Variants in SEMA4D observed in about 807,000 individuals in gnomAD.
SEMA4D encodes semaphorin-4D.
A neutral mutation model predicts 74.8 loss-of-function variants in SEMA4D; 22 were observed. The ratio of observed to expected loss-of-function variants is 0.29; its 90% confidence interval spans 0.21 to 0.42. SEMA4D has a LOEUF of 0.42. Among genes scored for constraint, SEMA4D ranks in the 10% least tolerant of loss-of-function variants. The pLI, the probability that SEMA4D is intolerant of heterozygous loss-of-function variation, is 1.00. For synonymous variants in SEMA4D, 445 were observed against 463.7 expected (o/e 0.96, Z 0.52); for missense variants, 937 against 1,118.4 (o/e 0.84, Z 2.31).
At chr9:89,363,281 T>G (rs1833027321) in intron 18 of SEMA4D, 1 of 1,160,450 alleles carries the variant, frequency 8.6e-7, no homozygotes, top group Non-Finnish European at 1.2e-6. Flanking sequence ...CCCCCAGTGT[T>G]GCAGATTTCA....
chr9:89,381,639 T>C lies in SEMA4D; in HGVS notation c.1447-293A>G. The C allele has an allele frequency of 3.4e-6, 1 of 290,922 alleles. No homozygotes were observed. The highest frequency in any genetic ancestry group is 6.4e-6 in the Non-Finnish European group (1 of 155,404). 18.0% of individuals were successfully genotyped at this position (290,922 alleles called of 1,614,324 possible). A position where few individuals can be genotyped will look rare whatever the true frequency, so the allele number is the denominator to read the frequency against. ...CAAAGCGCTTCTCTGCACGTGTTTC[T>C]CTTAGCCAGTGGGGAGGCTGTTCAG... On this transcript the variant is annotated intron_variant, in intron 13 of 15. Transcript: ENST00000422704. This position sits in a 1 kb window ranked among gnomAD's most constrained non-coding sequence, Gnocchi z 4.6.
chr9:89,424,233 T>C lies in SEMA4D; in HGVS notation c.-243-18534A>G, dbSNP rs796299022. Among the ~76,000 whole-genome samples the C allele has an allele frequency of 5.3e-5, 8 of 152,288 alleles. 1 individual carries two copies. The highest frequency in any genetic ancestry group is 1.7e-4 in the African/African-American group (7 of 41,552). On this transcript the variant is annotated intron_variant, in intron 2 of 15. Transcript: ENST00000422704. ...CTGCACAAATGAGGACTGTAAGGCA[T>C]GGACGTTAAACACAATGTTACAAAC... is the stretch of plus-strand genomic sequence containing the variant.
rs995069588 is a variant in SEMA4D at position 89,379,227 on chromosome 9, G to A, written c.2066C>T (p.Ala689Val). ...AAGGGTGATGGCCCCGGAGGAGGTG[G>A]CCTGCACGGCTGGGGTTGGGGGAGA... ...GSSPPTPAVQ[A>V]TSSGAITLPP... Residue 689 changes from alanine to valine, a missense_variant, in exon 16 of 16, where the codon GCC becomes GTC. By Grantham distance (64) the Ala-to-Val change is moderately conservative (BLOSUM62 0). Transcript: ENST00000422704. 1 of 1,614,020 alleles carries A rather than the reference G, an allele frequency of 6.2e-7. No homozygotes were observed. The highest frequency in any genetic ancestry group is 1.1e-5 in the South Asian group (1 of 91,070).
intron 1 of SEMA4D, among the ~76,000 whole-genome samples, chr9:89,465,222 G>A (rs1161697209): frequency 3.3e-5 from 5 of 152,024 alleles, no homozygotes; most frequent in Admixed American, 3.3e-4. Context: ...AGAGCCCTTA[G>A]TCCGGTGCAT....
intron 2 of SEMA4D, among the ~76,000 whole-genome samples, chr9:89,433,509 G>A (rs766860042): frequency 1.6e-4 from 24 of 152,226 alleles, no homozygotes; most frequent in Non-Finnish European, 3.1e-4. Flanking sequence ...CACATGCTAC[G>A]GCCTTCTGAG....
intron 16 of SEMA4D, among the ~76,000 whole-genome samples, chr9:89,370,675 G>GGT (rs991239958): frequency 5.3e-5 from 8 of 150,656 alleles, no homozygotes; most frequent in African/African-American, 2.0e-4. Context: ...GCTCATGTGT[G>GGT]GTGTGTGTGT....
At chr9:89,373,639 C>G (rs1214727904), downstream of SEMA4D, among the ~76,000 whole-genome samples, 1 of 152,202 alleles carries the variant, frequency 6.6e-6, no homozygotes, top group Non-Finnish European at 1.5e-5. Context: ...AGACAGCCCC[C>G]AAACCACTGT....
At position 89,492,236 on chromosome 9, in the gene SEMA4D, C is replaced by A. The variant is rs1825685161; in HGVS notation, c.-310+5683G>T. 6.6e-6 allele frequency among the ~76,000 whole-genome samples: 1 copy of A among 152,180 alleles called. No homozygotes were observed. Among genetic ancestry groups the A allele is most frequent in the African/African-American group, 2.4e-5 (1 of 41,420 alleles). On this transcript the variant is annotated intron_variant, in intron 1 of 15. Coordinates refer to ENST00000422704, the MANE Select transcript of SEMA4D (RefSeq NM_001371194.2). The surrounding 1 kb of genome is among the most constrained non-coding windows in gnomAD (Gnocchi z 4.3). ...TTGTCTTCGGTTCTCACCTTCGTGA[C>A]CTCCGCTGTCACCCTCCCTCTCATG...
chr9:89,364,280 TCCCACCCCAC>T, intron 16 of SEMA4D: 1 of 403,944 alleles, frequency 2.5e-6, no homozygotes, highest in Non-Finnish European at 4.7e-6. Context: ...TGGAACAGCA[TCCCACCCCAC>T]CATGGCCCTG....
chr9:89,481,941 T>C (rs1007925756), intron 1 of SEMA4D, among the ~76,000 whole-genome samples: 2 of 152,080 alleles, frequency 1.3e-5, no homozygotes, highest in Admixed American at 1.3e-4. Context: ...AAGGAGGAGA[T>C]GGAAAGATGA....
chr9:89,420,535 C>A lies in SEMA4D; in HGVS notation c.-243-14836G>T, dbSNP rs561869513. 1.2e-3 allele frequency among the ~76,000 whole-genome samples: 178 copies of A among 152,340 alleles called. 1 individual carries two copies. Among genetic ancestry groups the A allele is most frequent in the Non-Finnish European group, 1.8e-3 (122 of 68,030 alleles). ...AGTGCAGGAGAGTGTGGGGCTCCAA[C>A]GCCCAGGCCTTGCGAACAGGTATTT... On this transcript the variant is annotated intron_variant, in intron 2 of 15. Transcript: ENST00000422704.
chr9:89,396,661 G>A (rs1402758810), intron 6 of SEMA4D, 76 bp downstream of exon 6: 43 of 1,218,434 alleles, frequency 3.5e-5, no homozygotes, highest in East Asian at 1.3e-4. Flanking sequence ...ACAGCTTTAC[G>A]TCTGCTTTGA....
chr9:89,420,712 G>C (rs1846746490), intron 2 of SEMA4D, among the ~76,000 whole-genome samples: 1 of 152,234 alleles, frequency 6.6e-6, no homozygotes, highest in South Asian at 2.1e-4. Context: ...TGAAGCAAGA[G>C]CAAGGGGCTC....
intron 16 of SEMA4D, among the ~76,000 whole-genome samples, chr9:89,370,001 T>C (rs1036939467): frequency 6.6e-6 from 1 of 151,462 alleles, no homozygotes; most frequent in African/African-American, 2.4e-5. Context: ...AACAGTGGTA[T>C]GATTGGTGTG....
chr9:89,450,575 G>C (rs766668076), intron 2 of SEMA4D: 23 of 924,778 alleles, frequency 2.5e-5, no homozygotes, highest in Non-Finnish European at 4.0e-5. Flanking sequence ...GTCCCTTCCA[G>C]CCTGACCTCT....
chr9:89,450,075 G>C (rs1853974394), intron 2 of SEMA4D: 1 of 1,296,492 alleles, frequency 7.7e-7, no homozygotes. Flanking sequence ...CTGGAACAAA[G>C]TTGCCCACTT....
At chr9:89,367,723 T>C (rs1833901981) in intron 16 of SEMA4D, 1 of 152,282 alleles carries the variant, frequency 6.6e-6, no homozygotes, top group Non-Finnish European at 1.5e-5. Flanking sequence ...GTAATGATCT[T>C]TCTCCTACAG....
chr9:89,432,112 C>G (rs1010760938), intron 2 of SEMA4D, among the ~76,000 whole-genome samples: 1 of 151,958 alleles, frequency 6.6e-6, no homozygotes, highest in African/African-American at 2.4e-5. Flanking sequence ...CTGGGCCCAC[C>G]CTTACCAGCT....
chr9:89,462,954 G>GGGAGGGGAGCGAGCGAGGGGA (rs140255496), intron 1 of SEMA4D, among the ~76,000 whole-genome samples: 4 of 9,508 alleles, frequency 4.2e-4, no homozygotes, highest in Admixed American at 1.6e-3. Flanking sequence ...AAGAAAGGAG[G>GGGAGGGGAGCGAGCGAGGGGA]GGGGAGCGAG....
Sources: gnomAD v4.1 joint callset for allele counts (sites outside exome capture counted in the v4.1 genomes callset) on GRCh38, gnomAD v4.1.1 for gene constraint, Gnocchi (gnomAD v3.1) non-coding constraint, MANE v1.5 for transcripts, NCBI Gene and HGNC (gene_info 2026-07-23, HGNC 2026-07-21) for gene names.